CDH4: variants seen among roughly 807,000 people sequenced by gnomAD.
CDH4 encodes cadherin 4.
CDH4 carries 33 observed loss-of-function variants against 86.0 expected under a neutral mutation model. The observed-to-expected ratio is 0.38, with a 90% CI of 0.29 to 0.51. The LOEUF (loss-of-function observed/expected upper bound fraction) is 0.51. Among genes scored for constraint, CDH4 ranks in the 20% least tolerant of loss-of-function variants. The pLI, the probability that CDH4 is intolerant of heterozygous loss-of-function variation, is 0.86. For missense variants in CDH4, 1,114 were observed against 1,307.4 expected, an observed-to-expected ratio of 0.85 and a Z score of 2.28; for synonymous variants, 555 against 549.4, an observed-to-expected ratio of 1.01 and a Z score of -0.14.
At chr20:61,483,460 T>A (rs1384564857) in intron 2 of CDH4, among the ~76,000 whole-genome samples, 1 of 152,210 alleles carries the variant, frequency 6.6e-6, no homozygotes, top group Non-Finnish European at 1.5e-5. Context: ...ATTCATCCCA[T>A]GTCTGTGCAC....
intron 6 of CDH4, among the ~76,000 whole-genome samples, chr20:61,860,176 T>C (rs920491718): frequency 2.6e-5 from 4 of 152,258 alleles, no homozygotes; most frequent in African/African-American, 9.6e-5. Flanking sequence ...ACATTCTGGC[T>C]CAAAATATCA....
intron 2 of CDH4, among the ~76,000 whole-genome samples, chr20:61,279,328 T>A (rs1012138367): frequency 6.6e-5 from 10 of 152,134 alleles, no homozygotes; most frequent in African/African-American, 2.4e-4. Context: ...CCTCCTTCCC[T>A]TTCTTTGGTT....
intron 2 of CDH4, among the ~76,000 whole-genome samples, chr20:61,279,104 G>A (rs2084245050): frequency 6.6e-6 from 1 of 152,228 alleles, no homozygotes; most frequent in African/African-American, 2.4e-5. Context: ...AAGTAGGCAT[G>A]ACTGACGTTC....
At chr20:61,588,184 C>G (rs1233852308) in intron 2 of CDH4, among the ~76,000 whole-genome samples, 1 of 152,190 alleles carries the variant, frequency 6.6e-6, no homozygotes, top group Non-Finnish European at 1.5e-5. Flanking sequence ...TTAATTGTAG[C>G]AAGCCAAAAT....
At chr20:61,833,068 C>T (rs375632275) in intron 4 of CDH4, among the ~76,000 whole-genome samples, 1 of 152,068 alleles carries the variant, frequency 6.6e-6, no homozygotes, top group East Asian at 1.9e-4. Flanking sequence ...GAATGGTCAC[C>T]CTCATAATGG....
chr20:61,515,673 G>C (rs543492296), intron 2 of CDH4, among the ~76,000 whole-genome samples: 144 of 152,338 alleles, frequency 9.5e-4, no homozygotes, highest in Middle Eastern at 6.8e-3. Context: ...TCCTGGATGA[G>C]ATTCAGGGCT....
chr20:61,734,916 G>A (rs563076633), intron 2 of CDH4, among the ~76,000 whole-genome samples: 73 of 152,304 alleles, frequency 4.8e-4, no homozygotes, highest in African/African-American at 1.7e-3. Context: ...GCCCAGCGCA[G>A]ACGATAGCCC....
chr20:61,328,979 T>A (rs145709294), intron 2 of CDH4, among the ~76,000 whole-genome samples: 2 of 152,166 alleles, frequency 1.3e-5, no homozygotes, highest in East Asian at 3.9e-4. Context: ...ATGCTGAGCA[T>A]CATGGCTTAG....
intron 4 of CDH4, among the ~76,000 whole-genome samples, chr20:61,777,718 GCGTGCACACGTGCATACAAAA>G (rs2088860189): frequency 7.0e-6 from 1 of 143,768 alleles, no homozygotes; most frequent in Non-Finnish European, 1.5e-5. Flanking sequence ...ACACCCACAT[GCGTGCACACGTGCATACAAAA>G]ACACACACCC....
intron 2 of CDH4, among the ~76,000 whole-genome samples, chr20:61,656,116 G>A (rs1015523395): frequency 2.6e-5 from 4 of 152,192 alleles, no homozygotes; most frequent in Non-Finnish European, 5.9e-5. Context: ...AAGACTGGCT[G>A]GAGACGAACC....
At chr20:61,887,318 C>T (rs933984810) in intron 7 of CDH4, among the ~76,000 whole-genome samples, 1 of 152,178 alleles carries the variant, frequency 6.6e-6, no homozygotes, top group East Asian at 1.9e-4. Flanking sequence ...CCTGCCCCTA[C>T]CCAGCCAGGA....
chr20:61,587,691 T>C (rs1003948206), intron 2 of CDH4, among the ~76,000 whole-genome samples: 1 of 152,172 alleles, frequency 6.6e-6, no homozygotes, highest in African/African-American at 2.4e-5. Flanking sequence ...ACCCTGGCTG[T>C]AGGGTAACTC....
At chr20:61,817,023 T>C (rs1439292470) in intron 4 of CDH4, among the ~76,000 whole-genome samples, 3 of 152,234 alleles carry the variant, frequency 2.0e-5, no homozygotes, top group Non-Finnish European at 4.4e-5. Context: ...GGCCGCCGCA[T>C]GGAAGAGCAT....
chr20:61,477,822 C>T (rs1443355662), intron 2 of CDH4, among the ~76,000 whole-genome samples: 1 of 152,194 alleles, frequency 6.6e-6, no homozygotes, highest in Non-Finnish European at 1.5e-5. Context: ...CTTGGAACAG[C>T]TCATGATCCC....
At chr20:61,657,533 A>G (rs2087205586) in intron 2 of CDH4, among the ~76,000 whole-genome samples, 1 of 152,242 alleles carries the variant, frequency 6.6e-6, no homozygotes, top group Admixed American at 6.5e-5. Flanking sequence ...GCGGAGGCAG[A>G]TAAGTAGTCT....
In CDH4 at chr20:61,807,851, T is replaced by C. The variant is rs376661935; in HGVS notation, c.576+34669T>C. ...ATGCAGGATGGTCAGTACTGTCGCTTTCGTTAGGTTAGAGGCCGTCCACTG... is the reference window on the plus strand; with the variant it reads ...ATGCAGGATGGTCAGTACTGTCGCTCTCGTTAGGTTAGAGGCCGTCCACTG... On this transcript the variant is annotated intron_variant, in intron 4 of 15. Transcript: ENST00000614565. The surrounding 1 kb of genome is among the most constrained non-coding windows in gnomAD (Gnocchi z 4.5). 3.3e-5 allele frequency among the ~76,000 whole-genome samples: 5 copies of C among 152,218 alleles called. No individual in the cohort carries two copies. In the South Asian group the frequency reaches 6.2e-4, roughly 19 times the overall value.
rs565030772 is a variant in CDH4, at chr20:61,863,302, G to A, written c.877+10404G>A. Among the ~76,000 whole-genome samples the A allele has an allele frequency of 3.3e-5, 5 of 152,336 alleles. No homozygotes were observed. In the East Asian group the frequency reaches 5.8e-4, roughly 18 times the overall value. On this transcript the variant is annotated intron_variant, in intron 6 of 15. Coordinates refer to ENST00000614565, the MANE Select transcript of CDH4 (RefSeq NM_001794.5). ...ACCTGCAGCCGGGGCGGGGGATGCT[G>A]TCCCAACTCGCTGCTTCCTTGATGG...
At chr20:61,492,377 C>CAATATTGTTGATGTTAGTGGTGTT (rs1311591867) in intron 2 of CDH4, among the ~76,000 whole-genome samples, 1 of 134,314 alleles carries the variant, frequency 7.4e-6, no homozygotes, top group Non-Finnish European at 1.6e-5. Context: ...TAAGTGGTGT[C>CAATATTGTTGATGTTAGTGGTGTT]AATATTGTTG....
At chr20:61,816,346 G>T (rs1980712950) in intron 4 of CDH4, among the ~76,000 whole-genome samples, 1 of 152,184 alleles carries the variant, frequency 6.6e-6, no homozygotes, top group Non-Finnish European at 1.5e-5. Context: ...GGGCCATTCT[G>T]GTAGCAGAGT....
Sources: allele counts gnomAD v4.1 joint callset (sites outside exome capture counted in the v4.1 genomes callset), GRCh38; gene constraint gnomAD v4.1.1; non-coding constraint Gnocchi (gnomAD v3.1); transcripts MANE v1.5; gene names NCBI Gene and HGNC (gene_info 2026-07-23, HGNC 2026-07-21).